The following FER variants were observed in gnomAD, a reference collection of about 807,000 sequenced individuals.
FER encodes the protein FER tyrosine kinase, also known as tyrosine-protein kinase Fer.
FER carries 63 observed loss-of-function variants against 111.0 expected under a neutral mutation model. That is an observed-to-expected ratio of 0.57 (90% CI 0.46 to 0.70). The LOEUF is 0.70. Ranked by LOEUF, FER falls within the 30% of genes least tolerant of loss-of-function variation. The pLI is 0.00. For synonymous variants in FER, 327 were observed against 313.9 expected (o/e 1.04, Z -0.44); for missense variants, 914 against 954.0 (o/e 0.96, Z 0.55).
chr5:108,993,438 C>G (rs1287426424), intron 13 of FER, among the ~76,000 whole-genome samples: 1 of 152,082 alleles, frequency 6.6e-6, no homozygotes, highest in Admixed American at 6.5e-5. Context: ...ACTCGCCAGG[C>G]TGAGGCAGGA....
At chr5:109,176,043 C>G (rs1416319532) in intron 17 of FER, among the ~76,000 whole-genome samples, 2 of 152,018 alleles carry the variant, frequency 1.3e-5, no homozygotes, top group African/African-American at 4.8e-5. Flanking sequence ...AAAGGAAGCT[C>G]TTATACACTG....
At chr5:109,152,757 C>T (rs1392062711) in intron 17 of FER, among the ~76,000 whole-genome samples, 1 of 151,894 alleles carries the variant, frequency 6.6e-6, no homozygotes, top group Non-Finnish European at 1.5e-5. Context: ...AAGCAAAGCC[C>T]TTTCAGGGGA....
rs149182269 is a variant in FER, at chr5:109,047,125, T to C, written c.1851T>C (p.His617=). 7.6e-5 allele frequency: 122 copies of C among 1,599,244 alleles called. No homozygotes were observed. The highest frequency in any genetic ancestry group is 1.7e-4 in the Middle Eastern group (1 of 6,040). The change falls in exon 16 of 20, where the codon CAT becomes CAC. Residue 617 remains histidine, a synonymous_variant. Transcript: ENST00000281092. Reference sequence around the variant, plus strand: ...CTAGAATTCTCAAGCAATATGATCATCCCAATATTGTCAAACTTATAGGAG... The same window carrying C: ...CTAGAATTCTCAAGCAATATGATCACCCCAATATTGTCAAACTTATAGGAG... ...QEAKILKQYD[H]PNIVKLIGVC... is the part of the protein sequence containing the mutation.
At chr5:109,148,683 A>G (rs906394242) in intron 17 of FER, among the ~76,000 whole-genome samples, 1 of 152,308 alleles carries the variant, frequency 6.6e-6, no homozygotes, top group East Asian at 1.9e-4. Flanking sequence ...TTTTCCTCAA[A>G]GGGTTACCCC....
chr5:109,036,357 A>G (rs1442445018), intron 13 of FER, among the ~76,000 whole-genome samples: 1 of 152,132 alleles, frequency 6.6e-6, no homozygotes, highest in East Asian at 1.9e-4. Context: ...TGTTGACCTA[A>G]CAGAGAGTGT....
At chr5:108,895,151 A>G (rs960645116) in intron 9 of FER, among the ~76,000 whole-genome samples, 1 of 152,220 alleles carries the variant, frequency 6.6e-6, no homozygotes, top group Non-Finnish European at 1.5e-5. Flanking sequence ...TGGAAACATC[A>G]TGAGAAGTCA....
intron 18 of FER, among the ~76,000 whole-genome samples, chr5:109,181,936 C>G (rs1276582812): frequency 6.6e-6 from 1 of 152,158 alleles, no homozygotes; most frequent in East Asian, 1.9e-4. Context: ...CTAGTAGCCA[C>G]CAATCTGCCT....
chr5:108,783,307 T>A (rs148408271), intron 2 of FER, among the ~76,000 whole-genome samples: 1 of 152,234 alleles, frequency 6.6e-6, no homozygotes, highest in African/African-American at 2.4e-5. Context: ...CATCTGGTTA[T>A]TTTTATAACT....
chr5:108,767,491 C>G (rs2149954065), intron 1 of FER, among the ~76,000 whole-genome samples: 1 of 152,210 alleles, frequency 6.6e-6, no homozygotes, highest in Non-Finnish European at 1.5e-5. Flanking sequence ...GCCTTTCAGA[C>G]TTTTTCGGTT....
intron 13 of FER, among the ~76,000 whole-genome samples, chr5:109,004,612 C>T (rs1765256184): frequency 6.6e-6 from 1 of 152,150 alleles, no homozygotes; most frequent in African/African-American, 2.4e-5. Flanking sequence ...GGCCACAAAA[C>T]AGCATGACCA....
chr5:108,807,315 G>A (rs921945592), intron 3 of FER, among the ~76,000 whole-genome samples: 1 of 152,156 alleles, frequency 6.6e-6, no homozygotes. Flanking sequence ...TATCAGCAGT[G>A]TGAAAACAGA....
intron 13 of FER, among the ~76,000 whole-genome samples, chr5:109,024,215 C>T (rs1768344899): frequency 1.3e-5 from 2 of 152,192 alleles, no homozygotes; most frequent in Admixed American, 6.6e-5. Context: ...GTTTCCTTAG[C>T]CTTTGATGCT....
intron 13 of FER, among the ~76,000 whole-genome samples, chr5:108,994,663 T>C (rs1166508354): frequency 1.3e-5 from 2 of 152,218 alleles, no homozygotes; most frequent in Admixed American, 1.3e-4. Flanking sequence ...AGTGGTAGTT[T>C]CATGTGAATA....
chr5:108,876,977 A>G (rs1765153206), intron 8 of FER, among the ~76,000 whole-genome samples: 1 of 151,968 alleles, frequency 6.6e-6, no homozygotes, highest in Non-Finnish European at 1.5e-5. Context: ...TTATATAAAT[A>G]CCTATGTACC....
chr5:108,978,819 C>G (rs1264028986), intron 13 of FER, among the ~76,000 whole-genome samples: 2 of 152,180 alleles, frequency 1.3e-5, no homozygotes, highest in African/African-American at 4.8e-5. Flanking sequence ...CTGGTTCTTA[C>G]TCAAGGACGT....
At chr5:108,899,821 T>C (rs967486311) in intron 10 of FER, among the ~76,000 whole-genome samples, 1 of 151,506 alleles carries the variant, frequency 6.6e-6, no homozygotes, top group Non-Finnish European at 1.5e-5. Flanking sequence ...AAAAAAAAAT[T>C]CTGATCATCT....
intron 14 of FER, among the ~76,000 whole-genome samples, chr5:109,043,195 G>T (rs1156287472): frequency 6.6e-6 from 1 of 152,202 alleles, no homozygotes; most frequent in Non-Finnish European, 1.5e-5. Context: ...TAATAAAACA[G>T]TAAGTTTTAG....
chr5:109,010,235 G>T (rs1766067370), intron 13 of FER, among the ~76,000 whole-genome samples: 1 of 152,110 alleles, frequency 6.6e-6, no homozygotes, highest in Admixed American at 6.5e-5. Context: ...TCGGCCCACT[G>T]CAAGCTCCGC....
At chr5:108,841,930 G>T in intron 5 of FER, 1 of 189,690 alleles carries the variant, frequency 5.3e-6, no homozygotes, top group South Asian at 8.0e-5. Flanking sequence ...ATGCTGTTTA[G>T]GTCCTTTTTT....
Sources: gnomAD v4.1 joint callset for allele counts (sites outside exome capture counted in the v4.1 genomes callset) on GRCh38, gnomAD v4.1.1 for gene constraint, MANE v1.5 for transcripts, NCBI Gene and HGNC (gene_info 2026-07-23, HGNC 2026-07-21) for gene names.